The following SGCZ variants were observed in gnomAD, a reference collection of about 807,000 sequenced individuals.
SGCZ encodes the protein sarcoglycan zeta.
In SGCZ, 40 loss-of-function variants were observed where a neutral mutation model predicts 41.3. The observed-to-expected ratio is 0.97, with a 90% CI of 0.75 to 1.26. The LOEUF (loss-of-function observed/expected upper bound fraction) is 1.26. Ranked by LOEUF, SGCZ falls within the 50% of genes most tolerant of loss-of-function variation. SGCZ has a pLI of 0.00. For missense variants in SGCZ, 552 were observed against 369.8 expected (o/e 1.49, Z -4.04); for synonymous variants, 206 against 137.5 (o/e 1.50, Z -3.49).
At position 14,817,228 on chromosome 8, in the gene SGCZ, C is replaced by T. The variant is rs569611250; in HGVS notation, c.40-262302G>A. Among the ~76,000 whole-genome samples the T allele has an allele frequency of 1.3e-4, 20 of 152,256 alleles. 1 individual carries two copies. The highest frequency in any genetic ancestry group is 4.3e-4 in the African/African-American group (18 of 41,556). The stretch of plus-strand genomic sequence containing the variant: ...ACGCCATAGAGAGGGGATGGAGGCA[C>T]CTGCCTCTGCCACATAGTCTCACCT... On this transcript the variant is annotated intron_variant, in intron 1 of 7. Coordinates refer to ENST00000382080, the MANE Select transcript of SGCZ (RefSeq NM_139167.4).
intron 4 of SGCZ, among the ~76,000 whole-genome samples, chr8:14,221,596 T>C (rs2054428): frequency 6.6e-6 from 1 of 152,050 alleles, no homozygotes; most frequent in Non-Finnish European, 1.5e-5. Flanking sequence ...ACCATTACAA[T>C]TGTGTATATG....
At chr8:14,919,845 G>A (rs1210576317) in intron 1 of SGCZ, among the ~76,000 whole-genome samples, 1 of 152,098 alleles carries the variant, frequency 6.6e-6, no homozygotes, top group Non-Finnish European at 1.5e-5. Context: ...TTGAGCCCAG[G>A]AGGCAGAGGT....
chr8:14,625,230 A>G (rs151236952), intron 1 of SGCZ, among the ~76,000 whole-genome samples: 4 of 152,314 alleles, frequency 2.6e-5, no homozygotes, highest in Admixed American at 6.5e-5. Flanking sequence ...TTAACATACT[A>G]CAATAAATCT....
chr8:14,957,729 T>C (rs1800836394), intron 1 of SGCZ, among the ~76,000 whole-genome samples: 1 of 152,072 alleles, frequency 6.6e-6, no homozygotes, highest in Non-Finnish European at 1.5e-5. Context: ...GCAAATTCAA[T>C]GTTACGTATT....
chr8:14,559,321 T>C (rs1804136632), intron 1 of SGCZ, among the ~76,000 whole-genome samples: 1 of 152,118 alleles, frequency 6.6e-6, no homozygotes, highest in African/African-American at 2.4e-5. Context: ...TCAGTAGTTC[T>C]GCTATACACC....
intron 3 of SGCZ, among the ~76,000 whole-genome samples, chr8:14,251,501 AC>A (rs1243005567): frequency 6.6e-6 from 1 of 152,176 alleles, no homozygotes; most frequent in African/African-American, 2.4e-5. Flanking sequence ...TCTGTATTAT[AC>A]CAAAGTATTA....
At chr8:14,133,192 G>A (rs955491979) in intron 5 of SGCZ, among the ~76,000 whole-genome samples, 4 of 152,148 alleles carry the variant, frequency 2.6e-5, no homozygotes, top group African/African-American at 7.2e-5. Flanking sequence ...CTTGCCCTAA[G>A]CATATGTGCA....
chr8:14,830,481 G>A (rs1275576480), intron 1 of SGCZ, among the ~76,000 whole-genome samples: 1 of 151,894 alleles, frequency 6.6e-6, no homozygotes. Flanking sequence ...CTTTTGCAGA[G>A]TTCTACATAT....
At chr8:14,883,041 T>G (rs1306338875) in intron 1 of SGCZ, among the ~76,000 whole-genome samples, 2 of 152,088 alleles carry the variant, frequency 1.3e-5, no homozygotes, top group South Asian at 4.1e-4. Context: ...ATAAAATAAT[T>G]TTTTGAAAAT....
intron 4 of SGCZ, among the ~76,000 whole-genome samples, chr8:14,200,643 A>T (rs1208857874): frequency 6.6e-6 from 1 of 152,134 alleles, no homozygotes; most frequent in Non-Finnish European, 1.5e-5. Context: ...TTCCAACAAA[A>T]CATGCTGGAA....
At chr8:14,896,469 A>G (rs1805203005) in intron 1 of SGCZ, among the ~76,000 whole-genome samples, 1 of 151,646 alleles carries the variant, frequency 6.6e-6, no homozygotes, top group Admixed American at 6.6e-5. Flanking sequence ...TTATTTTACT[A>G]TTATTATCAT....
At position 15,112,063 on chromosome 8, in the gene SGCZ, G is replaced by A. The variant is rs192731263; in HGVS notation, c.39+125522C>T. The stretch of plus-strand genomic sequence containing the variant: ...ACACTATGAGCACTATCTCACTGTT[G>A]CTCTCTTTTTCTCTCTTTTGTGAGA... On this transcript the variant is annotated intron_variant, in intron 1 of 7. Transcript: ENST00000382080. Among the ~76,000 whole-genome samples, 138 of 152,264 alleles carry A rather than the reference G, an allele frequency of 9.1e-4. 1 individual carries two copies. In the East Asian group the frequency reaches 0.025, roughly 28 times the overall value.
intron 4 of SGCZ, among the ~76,000 whole-genome samples, chr8:14,218,741 G>C (rs1159531519): frequency 6.6e-6 from 1 of 152,216 alleles, no homozygotes; most frequent in Non-Finnish European, 1.5e-5. Flanking sequence ...AGTTCAAAAT[G>C]TGTCGTAAAG....
intron 2 of SGCZ, among the ~76,000 whole-genome samples, chr8:14,457,680 G>A (rs1050337086): frequency 1.3e-5 from 2 of 152,176 alleles, no homozygotes; most frequent in African/African-American, 4.8e-5. Context: ...CAGAAATAAT[G>A]GGGTAAGCTG....
At chr8:14,496,821 T>C (rs1802001433) in intron 2 of SGCZ, among the ~76,000 whole-genome samples, 2 of 152,170 alleles carry the variant, frequency 1.3e-5, no homozygotes, top group South Asian at 2.1e-4. Flanking sequence ...TCAGTGTCTG[T>C]GTGTGTATAA....
chr8:14,697,523 G>A lies in SGCZ; in HGVS notation c.40-142597C>T, dbSNP rs541184536. On this transcript the variant is annotated intron_variant, in intron 1 of 7. Transcript: ENST00000382080. ...AAGGTGCAATCCATGTAGTTAAAAA[G>A]TGTATAAACTTGTTCTGCTGATTAT... 1.0e-3 allele frequency among the ~76,000 whole-genome samples: 157 copies of A among 152,132 alleles called. 2 individuals carry two copies. Among genetic ancestry groups the A allele is most frequent in the African/African-American group, 3.6e-3 (151 of 41,550 alleles).
chr8:14,997,368 C>T (rs1365754914), intron 1 of SGCZ, among the ~76,000 whole-genome samples: 1 of 152,116 alleles, frequency 6.6e-6, no homozygotes, highest in Non-Finnish European at 1.5e-5. Context: ...AAAGCATATA[C>T]TACCTTATCT....
chr8:15,150,981 A>G (rs1341852984), intron 1 of SGCZ, among the ~76,000 whole-genome samples: 2 of 152,242 alleles, frequency 1.3e-5, no homozygotes, highest in Non-Finnish European at 2.9e-5. Context: ...TTAATAGAAC[A>G]TGGCAGAAAT....
chr8:14,744,771 C>G (rs973927873), intron 1 of SGCZ, among the ~76,000 whole-genome samples: 1 of 152,156 alleles, frequency 6.6e-6, no homozygotes, highest in Non-Finnish European at 1.5e-5. Context: ...ACCTTTCAGT[C>G]ATTCATTTAT....
Sources: allele counts gnomAD v4.1 joint callset (sites outside exome capture counted in the v4.1 genomes callset), GRCh38; gene constraint gnomAD v4.1.1; transcripts MANE v1.5; gene names NCBI Gene and HGNC (gene_info 2026-07-23, HGNC 2026-07-21).